ANKRD23: variants seen among roughly 807,000 people sequenced by gnomAD.
ANKRD23 encodes the protein ankyrin repeat domain 23, also known as ankyrin repeat domain-containing protein 23.
ANKRD23 carries 52 observed loss-of-function variants against 38.1 expected under a neutral mutation model. The ratio of observed to expected loss-of-function variants is 1.36; its 90% CI spans 1.09 to 1.72. The LOEUF (loss-of-function observed/expected upper bound fraction) is 1.72. ANKRD23 is among the 40% of genes most tolerant of loss of function. ANKRD23 has a pLI of 0.00. For synonymous variants in ANKRD23, 167 were observed against 162.9 expected, an observed-to-expected ratio of 1.03 and a Z score of -0.19; for missense variants, 416 against 400.2, an observed-to-expected ratio of 1.04 and a Z score of -0.34.
rs1649426422 is a variant in ANKRD23 at position 96,840,344 on chromosome 2, G to A, written c.526-14C>T. 2 of 1,606,140 alleles carry A rather than the reference G, an allele frequency of 1.2e-6. No individual in the cohort carries two copies. The highest frequency in any genetic ancestry group is 1.7e-6 in the Non-Finnish European group (2 of 1,175,810). Reference sequence around the variant, plus strand: ...TGTCCTGTCCAGCTGCAAAACAAAAGCACCCAAGCACTCAGCTGCTGGGAT... The same window carrying A: ...TGTCCTGTCCAGCTGCAAAACAAAAACACCCAAGCACTCAGCTGCTGGGAT... On this transcript the variant is annotated splice_polypyrimidine_tract_variant and intron_variant, in intron 5 of 8. Coordinates refer to ENST00000318357, the MANE Select transcript of ANKRD23 (RefSeq NM_144994.8).
rs944334849 is a variant in ANKRD23, at chr2:96,839,531, CG to C, written c.*17del. ...AATGGTGGCAGTGCGAAAGGCGCGGCGGGGGGCGGTGCTGCGGTCAGCACCG... is the reference window on the plus strand; with the variant it reads ...AATGGTGGCAGTGCGAAAGGCGCGGCGGGGGCGGTGCTGCGGTCAGCACCG... On this transcript the variant is annotated 3_prime_UTR_variant, in exon 9 of 9. Coordinates refer to ENST00000318357, the MANE Select transcript of ANKRD23 (RefSeq NM_144994.8). 3 of 1,428,062 alleles carry C rather than the reference CG, an allele frequency of 2.1e-6. No individual in the cohort carries two copies. Among genetic ancestry groups the C allele is most frequent in the Non-Finnish European group, 1.8e-6 (2 of 1,095,906 alleles). The allele number at this position is 1,428,062 out of a possible 1,614,324, so 88.5% of individuals were successfully genotyped here. A position where few individuals can be genotyped will look rare whatever the true frequency, so the allele number is the denominator to read the frequency against.
Position 96,838,346 on chromosome 2 carries a change from G to A in ANKRD23, c.*1203C>T, listed in dbSNP as rs760852519. On this transcript the variant is annotated 3_prime_UTR_variant, in exon 9 of 9. Transcript: ENST00000318357. Reference sequence around the variant, plus strand: ...AGCTTCTTAAGATTCACTTTCTGGCGTTTAGGGGCCCAGCCCCACCAGCAG... The same window carrying A: ...AGCTTCTTAAGATTCACTTTCTGGCATTTAGGGGCCCAGCCCCACCAGCAG... 97 of 987,438 alleles carry A rather than the reference G, an allele frequency of 9.8e-5. No homozygotes were observed. The highest frequency in any genetic ancestry group is 2.3e-4 in the East Asian group (2 of 8,812). The allele number at this position is 987,438 out of a possible 1,614,324, so 61.2% of individuals were successfully genotyped here.
rs899235130 is a variant in ANKRD23 at position 96,838,628 on chromosome 2, G to T, written c.*921C>A. On this transcript the variant is annotated 3_prime_UTR_variant, in exon 9 of 9. Transcript: ENST00000318357. Reference sequence around the variant, plus strand: ...TCAAGCTCCAGTACCAGGAACATAAGGGGACATAAGGGCCTCAGGCAAACT... The same window carrying T: ...TCAAGCTCCAGTACCAGGAACATAATGGGACATAAGGGCCTCAGGCAAACT... 5 of 985,420 alleles carry T rather than the reference G, an allele frequency of 5.1e-6. No homozygotes were observed. The allele number at this position is 985,420 out of a possible 1,614,324, so 61.0% of individuals were successfully genotyped here.
chr2:96,839,550 C>A lies in ANKRD23; in HGVS notation c.917G>T (p.Ter306LeuextTer106). Residue 306 changes from the stop codon to leucine, a stop_lost, in exon 9 of 9, where the codon TGA becomes TTA. Coordinates refer to ENST00000318357, the MANE Select transcript of ANKRD23 (RefSeq NM_144994.8). ...GCGCGGCGGGGGGCGGTGCTGCGGT[C>A]AGCACCGGGTGCGGGGATGCGCCAC... is the stretch of plus-strand genomic sequence containing the variant. Reference protein sequence around the residue: ...AHVAHPRTRC* With the variant: ...AHVAHPRTRCL The A allele has an allele frequency of 6.9e-7, 1 of 1,449,734 alleles. No homozygotes were observed. The highest frequency in any genetic ancestry group is 1.4e-5 in the South Asian group (1 of 69,388). 89.8% of individuals were successfully genotyped at this position (1,449,734 alleles called of 1,614,324 possible).
At position 96,842,150 on chromosome 2, in the gene ANKRD23, A is replaced by G. The variant is rs767047953; in HGVS notation, c.210T>C (p.Asp70=). ...CCAAGTTTTCCAAGTCAGCCAGGTTATCCAGATTAAATCTGGTACTGTTAA... is the reference window on the plus strand; with the variant it reads ...CCAAGTTTTCCAAGTCAGCCAGGTTGTCCAGATTAAATCTGGTACTGTTAA... The part of the protein sequence containing the change: ...ERFNSTRFNL[D]NLADLENLVQ... Residue 70 remains aspartate, a synonymous_variant, in exon 3 of 9, where the codon GAT becomes GAC. Coordinates refer to ENST00000318357, the MANE Select transcript of ANKRD23 (RefSeq NM_144994.8). 2.5e-6 allele frequency: 4 copies of G among 1,614,208 alleles called. No individual in the cohort carries two copies. The highest frequency in any genetic ancestry group is 3.4e-6 in the Non-Finnish European group (4 of 1,180,038).
At position 96,838,508 on chromosome 2, in the gene ANKRD23, C is replaced by T; in HGVS notation, c.*1041G>A. 2.0e-6 allele frequency: 2 copies of T among 986,078 alleles called. No homozygotes were observed. Among genetic ancestry groups the T allele is most frequent in the Non-Finnish European group, 2.4e-6 (2 of 830,206 alleles). 61.1% of individuals were successfully genotyped at this position (986,078 alleles called of 1,614,324 possible). ...GGCGGCGGGGGCTCACCTTCCTCTG[C>T]TTCCCTGTGGGCTGGGTTCAGAGCT... On this transcript the variant is annotated 3_prime_UTR_variant, in exon 9 of 9. Coordinates refer to ENST00000318357, the MANE Select transcript of ANKRD23 (RefSeq NM_144994.8).
At chr2:96,842,307 T>G in intron 2 of ANKRD23, 58 bp downstream of exon 2, 1 of 1,603,570 alleles carries the variant, frequency 6.2e-7, no homozygotes, top group East Asian at 2.2e-5. Context: ...GCCTCACTGC[T>G]CAGCCGGCCT....
intron 3 of ANKRD23, 49 bp from the exon 4 acceptor site, chr2:96,840,961 C>T (rs372587786): frequency 1.3e-6 from 2 of 1,599,318 alleles, no homozygotes; most frequent in Non-Finnish European, 1.7e-6. Flanking sequence ...GCCGCAGGTG[C>T]CCAAGATGTC....
rs2153358563 is a variant in ANKRD23, at chr2:96,840,280, G to T, written c.576C>A (p.Ile192=). ...CTCCCTGGTTAAGCAGCTGTTTGAG[G>T]ATGACCAGATGTCCTCCGCGGCAGG... ...FWACRGGHLV[I]LKQLLNQGAR... is the part of the protein sequence containing the mutation. The change falls in exon 6 of 9, where the codon ATC becomes ATA. Residue 192 remains isoleucine, a synonymous_variant. Transcript: ENST00000318357. The T allele has an allele frequency of 6.2e-7, 1 of 1,611,214 alleles. No individual in the cohort carries two copies. Among genetic ancestry groups the T allele is most frequent in the Non-Finnish European group, 8.5e-7 (1 of 1,178,584 alleles).
chr2:96,840,798 CA>C lies in ANKRD23; in HGVS notation c.414del (p.Asn138LysfsTer16). The part of the protein sequence containing the change: ...DKYLTDGGDP[N>X]AHDKLHRTAL... ...CCAACCTGTGCTACCTTGTCATGGG[CA>C]TTGGGGTCCCCTCCGTCTGTCAAGT... On this transcript the variant is annotated frameshift_variant, in exon 4 of 9. Coordinates refer to ENST00000318357, the MANE Select transcript of ANKRD23 (RefSeq NM_144994.8). LOFTEE classifies it high-confidence loss of function. 1.2e-6 allele frequency: 2 copies of C among 1,614,220 alleles called. No homozygotes were observed. The highest frequency in any genetic ancestry group is 2.2e-5 in the South Asian group (2 of 91,092).
At position 96,840,009 on chromosome 2, in the gene ANKRD23, G is replaced by A; in HGVS notation, c.711C>T (p.Asn237=). The A allele has an allele frequency of 5.1e-6, 8 of 1,556,538 alleles. No individual in the cohort carries two copies. Among genetic ancestry groups the A allele is most frequent in the Non-Finnish European group, 7.0e-6 (8 of 1,149,436 alleles). ...EHLIECGAHL[N]AQDKEGDTAL... Reference sequence around the variant, plus strand: ...GCGCCTGCCTTACCTTATCCTGTGCGTTCAGGTGGGCGCCACACTCGATGA... The same window carrying A: ...GCGCCTGCCTTACCTTATCCTGTGCATTCAGGTGGGCGCCACACTCGATGA... Residue 237 remains asparagine (N), a synonymous_variant, in exon 7 of 9, where the codon AAC becomes AAT. Coordinates refer to ENST00000318357, the MANE Select transcript of ANKRD23 (RefSeq NM_144994.8).
Position 96,838,835 on chromosome 2 carries a change from C to T in ANKRD23, c.*714G>A. The T allele has an allele frequency of 2.0e-6, 2 of 985,546 alleles. No homozygotes were observed. The highest frequency in any genetic ancestry group is 2.4e-6 in the Non-Finnish European group (2 of 830,000). The allele number at this position is 985,546 out of a possible 1,614,324, so 61.1% of individuals were successfully genotyped here. A position where few individuals can be genotyped will look rare whatever the true frequency, so the allele number is the denominator to read the frequency against. On this transcript the variant is annotated 3_prime_UTR_variant, in exon 9 of 9. Coordinates refer to ENST00000318357, the MANE Select transcript of ANKRD23 (RefSeq NM_144994.8). ...CTCCAGCTCATCAGTCTTAGGGCTTCTGAGGCAACCTAGTGGGTCCTGGAC... is the reference window on the plus strand; with the variant it reads ...CTCCAGCTCATCAGTCTTAGGGCTTTTGAGGCAACCTAGTGGGTCCTGGAC...
At chr2:96,842,616 A>G in intron 1 of ANKRD23, 105 bp from the exon 2 acceptor site, 2 of 1,383,314 alleles carry the variant, frequency 1.4e-6, no homozygotes, top group Middle Eastern at 2.1e-4. Flanking sequence ...AGATGTCACA[A>G]GGCTGGTGCC....
intron 2 of ANKRD23, 62 bp from the exon 3 acceptor site, chr2:96,842,247 GCCGACAGGAGACA>G (rs1301500889): frequency 9.3e-6 from 15 of 1,610,038 alleles, no homozygotes; most frequent in Non-Finnish European, 1.2e-5. Flanking sequence ...TCTCTGCCCT[GCCGACAGGAGACA>G]CCAGCTGCTC....
At chr2:96,843,408 G>A (rs1196510960) in intron 1 of ANKRD23, among the ~76,000 whole-genome samples, 3 of 152,112 alleles carry the variant, frequency 2.0e-5, no homozygotes, top group East Asian at 1.9e-4. Flanking sequence ...CCCAGGGAGC[G>A]AAAGAGCACC....
rs577105416 is a variant in ANKRD23 at position 96,839,310 on chromosome 2, C to G, written c.*239G>C. 169 of 1,237,788 alleles carry G rather than the reference C, an allele frequency of 1.4e-4. No homozygotes were observed. The highest frequency in any genetic ancestry group is 1.6e-4 in the Non-Finnish European group (161 of 991,908). The allele number at this position is 1,237,788 out of a possible 1,614,324, so 76.7% of individuals were successfully genotyped here. ...CCGCGCTTTCTGCTGCCTTGTGGTC[C>G]TCTGCTCCAGCCCTGGGAGGGAACG... On this transcript the variant is annotated 3_prime_UTR_variant, in exon 9 of 9. Coordinates refer to ENST00000318357, the MANE Select transcript of ANKRD23 (RefSeq NM_144994.8).
rs772974883 is a variant in ANKRD23, at chr2:96,842,435, T to C, written c.104A>G (p.Asp35Gly). 1.9e-5 allele frequency: 31 copies of C among 1,613,214 alleles called. No homozygotes were observed. The Admixed American group carries it at 4.8e-4, about 25-fold the overall frequency. Reference sequence around the variant, plus strand: ...AGCCTCTTGGGGGCCCCTCCTCCAGTCACTAGGCCAGGCTCCAGGGTCAGG... The same window carrying C: ...AGCCTCTTGGGGGCCCCTCCTCCAGCCACTAGGCCAGGCTCCAGGGTCAGG... ...GVPDPGAWPS[D>G]WRRGPQEAVA... Residue 35 changes from aspartate (D) to glycine (G), a missense_variant, in exon 2 of 9, where the codon GAC (aspartate) becomes GGC (glycine). Physicochemically the swap from Asp to Gly is moderately conservative, Grantham distance 94. Coordinates refer to ENST00000318357, the MANE Select transcript of ANKRD23 (RefSeq NM_144994.8).
In ANKRD23 at chr2:96,839,566, G is replaced by A; in HGVS notation, c.901C>T (p.Pro301Ser). 6.8e-7 allele frequency: 1 copy of A among 1,464,740 alleles called. No individual in the cohort carries two copies. Among genetic ancestry groups the A allele is most frequent in the Non-Finnish European group, 9.0e-7 (1 of 1,112,324 alleles). 90.7% of individuals were successfully genotyped at this position (1,464,740 alleles called of 1,614,324 possible). A position where few individuals can be genotyped will look rare whatever the true frequency, so the allele number is the denominator to read the frequency against. ...REALQAHVAH[P>S]RTRC ...TGCTGCGGTCAGCACCGGGTGCGGG[G>A]ATGCGCCACGTGGGCCTGCAGGGCC... The change falls in exon 9 of 9, where the codon CCC becomes TCC. Residue 301 changes from proline (P) to serine (S), a missense_variant. Physicochemically the swap from Pro to Ser is moderately conservative, Grantham distance 74 (BLOSUM62 -1). Coordinates refer to ENST00000318357, the MANE Select transcript of ANKRD23 (RefSeq NM_144994.8).
intron 3 of ANKRD23, among the ~76,000 whole-genome samples, chr2:96,841,722 G>A (rs2079763929): frequency 1.3e-5 from 2 of 150,912 alleles, no homozygotes; most frequent in Admixed American, 6.6e-5. Flanking sequence ...GCCAAGGAAC[G>A]CCAAAGATCA....
Sources: allele counts gnomAD v4.1 joint callset (sites outside exome capture counted in the v4.1 genomes callset), GRCh38; gene constraint gnomAD v4.1.1; transcripts MANE v1.5; gene names NCBI Gene and HGNC (gene_info 2026-07-23, HGNC 2026-07-21).